Variants in GFRA1 observed in about 807,000 individuals in gnomAD.
The protein encoded by GFRA1 is GDNF family receptor alpha 1, also known as GDNF family receptor alpha-1.
GFRA1 carries 16 observed loss-of-function variants against 51.6 expected under a neutral mutation model. That is an observed-to-expected ratio of 0.31 (90% confidence interval 0.21 to 0.47). The LOEUF (loss-of-function observed/expected upper bound fraction) is 0.47. GFRA1 is among the 20% of genes least tolerant of loss of function. The pLI is 1.00. For missense variants in GFRA1, 530 were observed against 594.3 expected (o/e 0.89, Z 1.13); for synonymous variants, 270 against 241.3 (o/e 1.12, Z -1.10).
At chr10:116,183,388 C>A (rs1402823977) in intron 5 of GFRA1, among the ~76,000 whole-genome samples, 1 of 152,232 alleles carries the variant, frequency 6.6e-6, no homozygotes, top group Non-Finnish European at 1.5e-5. Context: ...ATCTCCACAG[C>A]CCCATGAGCT....
At chr10:116,273,644 ACACTCTCT>A (rs760893435), upstream of GFRA1, among the ~76,000 whole-genome samples, 895 of 145,256 alleles carry the variant, frequency 6.2e-3, 7 homozygotes, top group African/African-American at 0.016. Context: ...CCAGACACAC[ACACTCTCT>A]CTCTCTCTCT....
Position 116,254,427 on chromosome 10 carries a change from T to G in GFRA1, c.418+15076A>C, listed in dbSNP as rs1470039621. Among the ~76,000 whole-genome samples, 3 of 151,278 alleles carry G rather than the reference T, an allele frequency of 2.0e-5. No homozygotes were observed. In the East Asian group the frequency reaches 5.8e-4, roughly 29 times the overall value. ...TGGCTTATGCCTATAATCCCAACAC[T>G]TTGAGAGGCCAAGGCAGGAGGATTG... On this transcript the variant is annotated intron_variant, in intron 4 of 10. Transcript: ENST00000355422.
At chr10:116,251,563 G>A (rs942780738) in intron 4 of GFRA1, among the ~76,000 whole-genome samples, 25 of 152,192 alleles carry the variant, frequency 1.6e-4, no homozygotes, top group Admixed American at 1.6e-3. Flanking sequence ...CGTATAATGG[G>A]ACATTCAGAG....
intron 5 of GFRA1, among the ~76,000 whole-genome samples, chr10:116,153,845 C>A (rs1009880410): frequency 6.6e-6 from 1 of 152,060 alleles, no homozygotes; most frequent in East Asian, 1.9e-4. Context: ...ATTTATCTGA[C>A]AAAGGACTTA....
At chr10:116,195,499 C>T (rs1963655893) in intron 5 of GFRA1, among the ~76,000 whole-genome samples, 1 of 152,196 alleles carries the variant, frequency 6.6e-6, no homozygotes, top group South Asian at 2.1e-4. Flanking sequence ...AGTGTGCAAC[C>T]TAGATTCCTC....
At position 116,263,230 on chromosome 10, in the gene GFRA1, G is replaced by A. The variant is rs138224696; in HGVS notation, c.418+6273C>T. On this transcript the variant is annotated intron_variant, in intron 4 of 10. Coordinates refer to ENST00000355422, the MANE Select transcript of GFRA1 (RefSeq NM_005264.8). ...GACATAGAATCATCATTCTCTGATG[G>A]GGCAATGTGGTCTGCTGAAAAGAGT... Among the ~76,000 whole-genome samples the A allele has an allele frequency of 8.8e-3, 1,340 of 152,232 alleles. 15 individuals carry two copies. The highest frequency in any genetic ancestry group is 0.03 in the African/African-American group (1,248 of 41,544).
Position 116,085,318 on chromosome 10 carries a change from A to G in GFRA1, c.1197+4423T>C, listed in dbSNP as rs114162098. ...GTTAAGACTGAAACTCAAGTCCCCA[A>G]GAGTTTTCTCATATTATTGTATATT... On this transcript the variant is annotated intron_variant, in intron 9 of 10. Transcript: ENST00000355422. 1.4e-3 allele frequency among the ~76,000 whole-genome samples: 219 copies of G among 152,332 alleles called. 1 individual carries two copies. Among genetic ancestry groups the G allele is most frequent in the African/African-American group, 4.9e-3 (203 of 41,566 alleles).
At chr10:116,124,780 T>C (rs1589807504) in intron 6 of GFRA1, among the ~76,000 whole-genome samples, 1 of 152,186 alleles carries the variant, frequency 6.6e-6, no homozygotes, top group South Asian at 2.1e-4. Context: ...CACTGCTCAG[T>C]CCCTCTCACT....
rs759000116 is a variant in GFRA1, at chr10:116,058,524, A to G, written c.*5874T>C. ...GGTGGGTGTGTTTGCCTTCTCTATCATGGAAGAGCTGGATTTGCCATTGTT... is the reference window on the plus strand; with the variant it reads ...GGTGGGTGTGTTTGCCTTCTCTATCGTGGAAGAGCTGGATTTGCCATTGTT... On this transcript the variant is annotated 3_prime_UTR_variant, in exon 11 of 11. Transcript: ENST00000355422. 6.6e-6 allele frequency: 1 copy of G among 152,194 alleles called. No homozygotes were observed. Among genetic ancestry groups the G allele is most frequent in the Non-Finnish European group, 1.5e-5 (1 of 68,106 alleles). The allele number at this position is 152,194 out of a possible 1,614,324, so 9.4% of individuals were successfully genotyped here.
intron 4 of GFRA1, among the ~76,000 whole-genome samples, chr10:116,215,486 A>G (rs1203812781): frequency 1.3e-5 from 2 of 152,192 alleles, no homozygotes; most frequent in Non-Finnish European, 1.5e-5. Context: ...TCAGGAGTCA[A>G]TCTATTAGAC....
intron 4 of GFRA1, among the ~76,000 whole-genome samples, chr10:116,228,165 C>T (rs539157495): frequency 6.6e-6 from 1 of 152,340 alleles, no homozygotes; most frequent in African/African-American, 2.4e-5. Context: ...CCTCCCACCA[C>T]CCCATTATCT....
rs773331977 is a variant in GFRA1 at position 116,094,889 on chromosome 10, G to A, written c.881-1053C>T. Among the ~76,000 whole-genome samples the A allele has an allele frequency of 4.7e-4, 71 of 152,198 alleles. 1 individual carries two copies. The highest frequency in any genetic ancestry group is 9.2e-4 in the Admixed American group (14 of 15,280). On this transcript the variant is annotated intron_variant, in intron 7 of 10. Coordinates refer to ENST00000355422, the MANE Select transcript of GFRA1 (RefSeq NM_005264.8). Reference sequence around the variant, plus strand: ...CCTGAACACTAGGGGAGGAGGTTAAGGCCATTGGATATGCCTGGTGCCACG... The same window carrying A: ...CCTGAACACTAGGGGAGGAGGTTAAAGCCATTGGATATGCCTGGTGCCACG...
intron 9 of GFRA1, among the ~76,000 whole-genome samples, chr10:116,071,487 T>G (rs1242501003): frequency 6.6e-6 from 1 of 152,158 alleles, no homozygotes; most frequent in Non-Finnish European, 1.5e-5. Flanking sequence ...TGGGCTACAT[T>G]TAGGTGAAGC....
chr10:116,072,567 C>A (rs1409033751), intron 9 of GFRA1, among the ~76,000 whole-genome samples: 1 of 152,080 alleles, frequency 6.6e-6, no homozygotes, highest in Non-Finnish European at 1.5e-5. Flanking sequence ...CGAGACCAGC[C>A]TAGCCAGCAT....
At chr10:116,068,948 T>C (rs1166023429) in intron 9 of GFRA1, among the ~76,000 whole-genome samples, 1 of 152,188 alleles carries the variant, frequency 6.6e-6, no homozygotes, top group Non-Finnish European at 1.5e-5. Context: ...CCTGAGACTT[T>C]GTAAGGTATA....
chr10:116,143,046 C>T (rs186863973), intron 5 of GFRA1, among the ~76,000 whole-genome samples: 2 of 152,272 alleles, frequency 1.3e-5, no homozygotes, highest in Admixed American at 1.3e-4. Context: ...GAAAACACTC[C>T]ATATTTTGGG....
intron 5 of GFRA1, among the ~76,000 whole-genome samples, chr10:116,150,762 T>C (rs916591184): frequency 2.0e-5 from 3 of 152,108 alleles, no homozygotes; most frequent in Non-Finnish European, 2.9e-5. Context: ...TCCTAGAAAA[T>C]GTAGCATCCC....
At chr10:116,102,384 G>A (rs558927726) in intron 6 of GFRA1, among the ~76,000 whole-genome samples, 88 of 152,290 alleles carry the variant, frequency 5.8e-4, no homozygotes, top group African/African-American at 2.0e-3. Flanking sequence ...GGGACAAGAG[G>A]GTAGTGAGTC....
rs1954576434 is a variant in GFRA1, at chr10:116,057,011, G to C, written c.*7387C>G. 1 of 152,084 alleles carries C rather than the reference G, an allele frequency of 6.6e-6. No individual in the cohort carries two copies. The highest frequency in any genetic ancestry group is 1.5e-5 in the Non-Finnish European group (1 of 68,028). 9.4% of individuals were successfully genotyped at this position (152,084 alleles called of 1,614,324 possible). A position where few individuals can be genotyped will look rare whatever the true frequency, so the allele number is the denominator to read the frequency against. ...GGACTATGTACATTCTGTAGTGCTT[G>C]AGCAATAGGCTAACAGAAAATTCGA... On this transcript the variant is annotated 3_prime_UTR_variant, in exon 11 of 11. Transcript: ENST00000355422.
Sources: allele counts gnomAD v4.1 joint callset (sites outside exome capture counted in the v4.1 genomes callset), GRCh38; gene constraint gnomAD v4.1.1; transcripts MANE v1.5; gene names NCBI Gene and HGNC (gene_info 2026-07-23, HGNC 2026-07-21).